EML6: variants seen among roughly 807,000 people sequenced by gnomAD.
The protein encoded by EML6 is EMAP like 6.
EML6 carries 154 observed loss-of-function variants against 240.1 expected under a neutral mutation model. The observed-to-expected ratio is 0.64, with a 90% confidence interval of 0.56 to 0.73. The LOEUF (loss-of-function observed/expected upper bound fraction) is 0.73. Ranked by LOEUF, EML6 falls within the 30% of genes least tolerant of loss-of-function variation. The pLI, the probability that EML6 is intolerant of heterozygous loss-of-function variation, is 0.00. For synonymous variants in EML6, 1,148 were observed against 899.0 expected, an observed-to-expected ratio of 1.28 and a Z score of -4.95; for missense variants, 2,964 against 2,474.6, an observed-to-expected ratio of 1.20 and a Z score of -4.20.
intron 12 of EML6, among the ~76,000 whole-genome samples, chr2:54,860,245 C>T (rs1670604771): frequency 6.6e-6 from 1 of 152,166 alleles, no homozygotes; most frequent in Admixed American, 6.5e-5. Context: ...TACCCGTGGA[C>T]TGGCTCTTAA....
rs565372765 is a variant in EML6 at position 54,862,507 on chromosome 2, A to G, written c.1826-1276A>G. On this transcript the variant is annotated intron_variant, in intron 12 of 41. Coordinates refer to ENST00000356458, the MANE Select transcript of EML6 (RefSeq NM_001039753.4). ...ATCCAATCTGAGAAACAAAAAGAAAAAGAGTAAAGATAGCTTAGAGACTTA... is the reference window on the plus strand; with the variant it reads ...ATCCAATCTGAGAAACAAAAAGAAAGAGAGTAAAGATAGCTTAGAGACTTA... Among the ~76,000 whole-genome samples the G allele has an allele frequency of 2.0e-5, 3 of 152,150 alleles. No homozygotes were observed. In the South Asian group the frequency reaches 6.2e-4, roughly 32 times the overall value.
chr2:54,855,338 C>A (rs1670314497), intron 11 of EML6, among the ~76,000 whole-genome samples: 1 of 152,002 alleles, frequency 6.6e-6, no homozygotes, highest in Non-Finnish European at 1.5e-5. Flanking sequence ...GAGCAGGGTT[C>A]CTACACTTGT....
chr2:54,766,882 A>G (rs1475947838), intron 2 of EML6, among the ~76,000 whole-genome samples: 1 of 151,850 alleles, frequency 6.6e-6, no homozygotes, highest in Admixed American at 6.6e-5. Flanking sequence ...GCCTTATTCT[A>G]TTGTACAGTA....
intron 2 of EML6, among the ~76,000 whole-genome samples, chr2:54,770,086 A>C (rs2103799782): frequency 6.6e-6 from 1 of 152,320 alleles, no homozygotes; most frequent in South Asian, 2.1e-4. Flanking sequence ...TTGATAGTCT[A>C]TCAGTATACT....
intron 4 of EML6, among the ~76,000 whole-genome samples, chr2:54,818,583 A>G (rs1392205317): frequency 6.6e-6 from 1 of 152,204 alleles, no homozygotes; most frequent in Admixed American, 6.5e-5. Flanking sequence ...GGGCTGCCCA[A>G]TTTGCAAACA....
At chr2:54,815,558 TCTTGAATAAGCTGAATGGAATTCAC>T (rs1668046673) in intron 3 of EML6, among the ~76,000 whole-genome samples, 1 of 152,210 alleles carries the variant, frequency 6.6e-6, no homozygotes, top group Admixed American at 6.5e-5. Context: ...GCTTTTTTTC[TCTTGAATAAGCTGAATGGAATTCAC>T]CCATTCAGAT....
intron 24 of EML6, among the ~76,000 whole-genome samples, chr2:54,907,566 GT>G (rs1298362103): frequency 2.6e-5 from 4 of 152,114 alleles, no homozygotes; most frequent in Non-Finnish European, 5.9e-5. Context: ...TCCCATTTTT[GT>G]TGCAGATGGC....
At chr2:54,755,703 C>T (rs902030396) in intron 2 of EML6, among the ~76,000 whole-genome samples, 1 of 152,066 alleles carries the variant, frequency 6.6e-6, no homozygotes, top group Non-Finnish European at 1.5e-5. Context: ...CTCTGTTACT[C>T]AGACTGGAGT....
chr2:54,795,696 C>G (rs1669727985), intron 2 of EML6, among the ~76,000 whole-genome samples: 4 of 152,174 alleles, frequency 2.6e-5, no homozygotes, highest in Non-Finnish European at 5.9e-5. Context: ...CCCGATGGTG[C>G]TCTAAGGAAC....
intron 24 of EML6, among the ~76,000 whole-genome samples, chr2:54,909,850 CAAAAAAAAA>C (rs34171697): frequency 2.9e-5 from 2 of 68,532 alleles, no homozygotes; most frequent in Non-Finnish European, 3.0e-5. Flanking sequence ...GACTCCATCT[CAAAAAAAAA>C]AAAAAAAAAA....
intron 2 of EML6, among the ~76,000 whole-genome samples, chr2:54,807,034 C>T (rs1240528176): frequency 1.3e-5 from 2 of 152,146 alleles, no homozygotes; most frequent in East Asian, 3.8e-4. Context: ...ATATAATGCA[C>T]AACTTACAAA....
intron 32 of EML6, 132 bp from the exon 33 acceptor site, chr2:54,957,658 G>T (rs1676293060): frequency 2.6e-6 from 2 of 765,062 alleles, no homozygotes; most frequent in Admixed American, 4.5e-5. Flanking sequence ...GTGTCTGAAG[G>T]GGAGAGAGTG....
intron 2 of EML6, among the ~76,000 whole-genome samples, chr2:54,756,438 G>A (rs1231617749): frequency 6.6e-6 from 1 of 152,082 alleles, no homozygotes; most frequent in African/African-American, 2.4e-5. Flanking sequence ...TTCCTTTAAT[G>A]TGCTTATGTT....
At chr2:54,829,534 C>T (rs746988282) in intron 7 of EML6, 57 bp downstream of exon 7, 204 of 1,385,892 alleles carry the variant, frequency 1.5e-4, no homozygotes, top group Non-Finnish European at 1.9e-4. Context: ...ATGTGAAGTT[C>T]TGTATTCATA....
chr2:54,864,517 A>G (rs1453548082), intron 13 of EML6, among the ~76,000 whole-genome samples: 1 of 152,230 alleles, frequency 6.6e-6, no homozygotes, highest in African/African-American at 2.4e-5. Flanking sequence ...CTGAACACAT[A>G]CCACCTTGTT....
chr2:54,776,835 A>G (rs1366157800), intron 2 of EML6, among the ~76,000 whole-genome samples: 9 of 151,862 alleles, frequency 5.9e-5, no homozygotes, highest in Non-Finnish European at 1.3e-4. Context: ...GAACATTTGT[A>G]TACTGGGACC....
chr2:54,958,735 A>G (rs1455052613), intron 33 of EML6, among the ~76,000 whole-genome samples: 2 of 152,174 alleles, frequency 1.3e-5, no homozygotes, highest in Non-Finnish European at 2.9e-5. Context: ...GTGGTCCTCC[A>G]GGAGTGGGTT....
rs773498648 is a variant in EML6 at position 54,797,164 on chromosome 2, CAAAAAAAAAAAAA to C, written c.198-16055_198-16043del. ...TGGGTGACAGAGCAAGACTCCATCT[CAAAAAAAAAAAAA>C]AAAAAAAAAAAACTGTGATCTTGTA... On this transcript the variant is annotated intron_variant, in intron 2 of 41. Transcript: ENST00000356458. Among the ~76,000 whole-genome samples the C allele has an allele frequency of 5.9e-4, 26 of 43,830 alleles. 1 individual carries two copies. The highest frequency in any genetic ancestry group is 2.3e-3 in the African/African-American group (24 of 10,300). 28.8% of individuals were successfully genotyped at this position (43,830 alleles called of 152,430 possible).
chr2:54,891,903 C>T (rs1231722475), intron 18 of EML6, among the ~76,000 whole-genome samples: 1 of 152,178 alleles, frequency 6.6e-6, no homozygotes. Flanking sequence ...AATCTAATGG[C>T]TTGTCCCGTA....
Sources: gnomAD v4.1 joint callset for allele counts (sites outside exome capture counted in the v4.1 genomes callset) on GRCh38, gnomAD v4.1.1 for gene constraint, MANE v1.5 for transcripts, NCBI Gene and HGNC (gene_info 2026-07-23, HGNC 2026-07-21) for gene names.